The following DNAAF4 variants were observed in gnomAD, a reference collection of about 807,000 sequenced individuals.
DNAAF4 encodes the protein dynein axonemal assembly factor 4, also known as dynein assembly factor 4, axonemal.
DNAAF4 carries 43 observed loss-of-function variants against 51.8 expected under a neutral mutation model. That is an observed-to-expected ratio of 0.83 (90% CI 0.65 to 1.07). The LOEUF is 1.07. Among genes scored for constraint, DNAAF4 ranks in the 50% least tolerant of loss-of-function variants. The pLI, the probability that DNAAF4 is intolerant of heterozygous loss-of-function variation, is 0.00. For missense variants in DNAAF4, 581 were observed against 493.0 expected (o/e 1.18, Z -1.69); for synonymous variants, 194 against 165.6 (o/e 1.17, Z -1.32).
intron 4 of DNAAF4, among the ~76,000 whole-genome samples, chr15:55,475,096 G>A (rs2058318484): frequency 6.6e-6 from 1 of 152,202 alleles, no homozygotes; most frequent in African/African-American, 2.4e-5. Context: ...TGTTCCTGGA[G>A]GGAAATCTCA....
At chr15:55,457,410 G>A (rs920690602) in intron 5 of DNAAF4, among the ~76,000 whole-genome samples, 6 of 152,106 alleles carry the variant, frequency 3.9e-5, no homozygotes, top group African/African-American at 1.4e-4. Flanking sequence ...CCCACCCAAG[G>A]GGAGCCTGAG....
intron 5 of DNAAF4, among the ~76,000 whole-genome samples, chr15:55,454,956 A>G (rs1048532302): frequency 2.0e-5 from 3 of 151,724 alleles, no homozygotes; most frequent in African/African-American, 7.2e-5. Flanking sequence ...AAAGAACAAT[A>G]TTAGAAATTA....
intron 4 of DNAAF4, among the ~76,000 whole-genome samples, chr15:55,487,455 G>A (rs190020716): frequency 6.6e-6 from 1 of 152,188 alleles, no homozygotes; most frequent in African/African-American, 2.4e-5. Flanking sequence ...ACAAATAAGG[G>A]AATAAAAGCT....
rs1434498167 is a variant in DNAAF4, at chr15:55,441,556, CT to C, written c.784-1976del. Among the ~76,000 whole-genome samples the C allele has an allele frequency of 5.3e-5, 8 of 150,868 alleles. No homozygotes were observed. The East Asian group carries it at 1.4e-3, about 26-fold the overall frequency. ...TTAGGTGTATCTCCTAATGCTATCC[CT>C]CCCCCCTCCCACCACCCCACAACAG... On this transcript the variant is annotated intron_variant, in intron 6 of 9. Coordinates refer to ENST00000321149, the MANE Select transcript of DNAAF4 (RefSeq NM_130810.4).
chr15:55,497,089 G>A (rs114925350), intron 3 of DNAAF4, among the ~76,000 whole-genome samples: 1,550 of 152,152 alleles, frequency 0.01, 20 homozygotes, highest in African/African-American at 0.035. Context: ...ATCATTTCCT[G>A]TTCTAAGCGG....
Position 55,501,536 on chromosome 15 carries a change from C to T in DNAAF4, c.-255-2952G>A, listed in dbSNP as rs115672400. On this transcript the variant is annotated intron_variant, in intron 1 of 9. Transcript: ENST00000321149. ...GACTACAGGTGCCCGCCACCGCATCCGGCTGATTTTTTGCATTTTTAGTAG... is the reference window on the plus strand; with the variant it reads ...GACTACAGGTGCCCGCCACCGCATCTGGCTGATTTTTTGCATTTTTAGTAG... 3.8e-3 allele frequency among the ~76,000 whole-genome samples: 569 copies of T among 150,758 alleles called. 1 individual carries two copies. Among genetic ancestry groups the T allele is most frequent in the African/African-American group, 0.011 (443 of 41,138 alleles).
chr15:55,507,898 A>G (rs1411366916), intron 1 of DNAAF4, among the ~76,000 whole-genome samples: 2 of 152,208 alleles, frequency 1.3e-5, no homozygotes, highest in African/African-American at 4.8e-5. Flanking sequence ...AGAGGTTCTC[A>G]GAATGTGGTC....
intron 6 of DNAAF4, among the ~76,000 whole-genome samples, chr15:55,445,225 T>C (rs952530760): frequency 2.0e-5 from 3 of 151,856 alleles, no homozygotes; most frequent in Admixed American, 6.6e-5. Context: ...TACTTGAGAT[T>C]AGGGAGTGGT....
At chr15:55,465,177 A>G (rs770607390) in intron 5 of DNAAF4, among the ~76,000 whole-genome samples, 1 of 152,196 alleles carries the variant, frequency 6.6e-6, no homozygotes, top group Non-Finnish European at 1.5e-5. Context: ...TACAACTACT[A>G]TGGAAGACAG....
At chr15:55,470,186 G>A (rs537595576) in intron 4 of DNAAF4, among the ~76,000 whole-genome samples, 1 of 152,012 alleles carries the variant, frequency 6.6e-6, no homozygotes, top group Admixed American at 6.6e-5. Context: ...TGAGTAGCTG[G>A]GTCTACAGGC....
downstream of DNAAF4, among the ~76,000 whole-genome samples, chr15:55,426,524 T>C (rs1016570007): frequency 6.6e-6 from 1 of 152,206 alleles, no homozygotes; most frequent in African/African-American, 2.4e-5. Flanking sequence ...TCTCTTTCAC[T>C]GTCTCAGTCA....
intron 4 of DNAAF4, among the ~76,000 whole-genome samples, chr15:55,489,696 T>G (rs2058543297): frequency 6.9e-6 from 1 of 144,096 alleles, no homozygotes; most frequent in Non-Finnish European, 1.5e-5. Flanking sequence ...AAAAAAAAGT[T>G]AAGTGGAAGT....
In DNAAF4 at chr15:55,504,174, G is replaced by C. The variant is rs535690280; in HGVS notation, c.-256+3948C>G. 5.9e-5 allele frequency among the ~76,000 whole-genome samples: 9 copies of C among 152,218 alleles called. No individual in the cohort carries two copies. The East Asian group carries it at 1.2e-3, about 20-fold the overall frequency. ...CATGAGTGAACTCCCATTCACAATT[G>C]CTACAAAGAGAATAAAATACCTAGG... is the stretch of plus-strand genomic sequence containing the variant. On this transcript the variant is annotated intron_variant, in intron 1 of 9. Transcript: ENST00000321149.
chr15:55,418,048 A>G (rs1485119349), exon 8 of DNAAF4: 1 of 1,304,772 alleles, frequency 7.7e-7, no homozygotes, highest in African/African-American at 1.5e-5. Context: ...GGCCATCTGG[A>G]TGTATACGTG....
intron 6 of DNAAF4, chr15:55,442,878 C>A: frequency 6.2e-7 from 1 of 1,612,418 alleles, no homozygotes; most frequent in South Asian, 1.1e-5. Context: ...TAGCATCAAT[C>A]ATGGTTGCAA....
At chr15:55,470,279 T>A (rs1003831596) in intron 4 of DNAAF4, among the ~76,000 whole-genome samples, 9 of 152,066 alleles carry the variant, frequency 5.9e-5, no homozygotes, top group African/African-American at 2.2e-4. Context: ...CTTGAACTCC[T>A]GACCTCAGGT....
intron 5 of DNAAF4, among the ~76,000 whole-genome samples, chr15:55,463,917 A>C (rs2058131715): frequency 6.6e-6 from 1 of 152,198 alleles, no homozygotes; most frequent in Non-Finnish European, 1.5e-5. Context: ...AATTCCCATC[A>C]AAATATCATC....
At chr15:55,491,030 A>G (rs1200366348) in intron 4 of DNAAF4, 93 bp downstream of exon 4, 1 of 1,464,270 alleles carries the variant, frequency 6.8e-7, no homozygotes, top group Non-Finnish European at 9.4e-7. Flanking sequence ...AGTATGAAGA[A>G]AATGCTGAGG....
rs967251563 is a variant in DNAAF4 at position 55,483,850 on chromosome 15, T to A, written c.405+7273A>T. ...CAATAAAGCTTTTTTTTTTTTTTTT[T>A]TTTTTTTTTTTTTTTTTTTTTAAGA... On this transcript the variant is annotated intron_variant, in intron 4 of 9. Coordinates refer to ENST00000321149, the MANE Select transcript of DNAAF4 (RefSeq NM_130810.4). 2.1e-4 allele frequency among the ~76,000 whole-genome samples: 15 copies of A among 72,684 alleles called. 1 individual carries two copies. The highest frequency in any genetic ancestry group is 1.2e-3 in the Admixed American group (9 of 7,302). 47.7% of individuals were successfully genotyped at this position (72,684 alleles called of 152,430 possible).
Sources: allele counts gnomAD v4.1 joint callset (sites outside exome capture counted in the v4.1 genomes callset), GRCh38; gene constraint gnomAD v4.1.1; transcripts MANE v1.5; gene names NCBI Gene and HGNC (gene_info 2026-07-23, HGNC 2026-07-21).